Variants in SHTN1 observed in about 807,000 individuals in gnomAD.
The protein encoded by SHTN1 is shootin-1.
In SHTN1, 42 loss-of-function variants were observed where a neutral mutation model predicts 83.1. The observed-to-expected ratio is 0.51, with a 90% confidence interval of 0.39 to 0.65. The LOEUF (loss-of-function observed/expected upper bound fraction) is 0.65, where lower values mean the gene tolerates loss of function less well. Among genes scored for constraint, SHTN1 ranks in the 30% least tolerant of loss-of-function variants. The pLI is 0.00. For synonymous variants in SHTN1, 224 were observed against 247.7 expected (o/e 0.90, Z 0.90); for missense variants, 622 against 737.8 (o/e 0.84, Z 1.82).
At chr10:116,992,563 GC>G (rs1187482464) in intron 1 of SHTN1, among the ~76,000 whole-genome samples, 1 of 152,044 alleles carries the variant, frequency 6.6e-6, no homozygotes, top group East Asian at 1.9e-4. Context: ...AGGCAAATAA[GC>G]CCCCCAAACT....
chr10:117,081,937 T>C (rs1008594864), intron 1 of SHTN1, among the ~76,000 whole-genome samples: 3 of 150,268 alleles, frequency 2.0e-5, no homozygotes, highest in Admixed American at 1.3e-4. Context: ...TTTTTCTTTA[T>C]TAGTCTTGCT....
intron 1 of SHTN1, among the ~76,000 whole-genome samples, chr10:117,094,953 C>T (rs1263361388): frequency 6.6e-6 from 1 of 152,204 alleles, no homozygotes; most frequent in Admixed American, 6.5e-5. Flanking sequence ...ATTAATGACG[C>T]TGACATCGGA....
intron 11 of SHTN1, among the ~76,000 whole-genome samples, chr10:116,925,035 C>T (rs1255369846): frequency 2.0e-5 from 3 of 152,104 alleles, no homozygotes; most frequent in Admixed American, 6.5e-5. Flanking sequence ...GGATTACAGG[C>T]GTGAGCCACT....
At chr10:117,053,982 A>C (rs1158472839) in intron 1 of SHTN1, among the ~76,000 whole-genome samples, 1 of 152,386 alleles carries the variant, frequency 6.6e-6, no homozygotes, top group African/African-American at 2.4e-5. Context: ...AAGTGAAAGA[A>C]GCTAAACCCA....
At chr10:116,927,294 T>C (rs906094803) in intron 11 of SHTN1, among the ~76,000 whole-genome samples, 1 of 152,216 alleles carries the variant, frequency 6.6e-6, no homozygotes, top group African/African-American at 2.4e-5. Context: ...ATTTGTATAC[T>C]ACAAGAAGGG....
chr10:116,921,368 C>T lies in SHTN1; in HGVS notation c.1195+66G>A, dbSNP rs1564877376. The T allele has an allele frequency of 3.5e-6, 4 of 1,149,774 alleles. No individual in the cohort carries two copies. In the East Asian group the frequency reaches 9.4e-5, roughly 27 times the overall value. The allele number at this position is 1,149,774 out of a possible 1,614,324, so 71.2% of individuals were successfully genotyped here. Reference sequence around the variant, plus strand: ...ACATGTTTATAGTCAAAGAACTTAACAAATATGTGAATTGCCCCAAAATGG... The same window carrying T: ...ACATGTTTATAGTCAAAGAACTTAATAAATATGTGAATTGCCCCAAAATGG... On this transcript the variant is annotated intron_variant, in intron 12 of 16. Coordinates refer to ENST00000355371, the MANE Select transcript of SHTN1 (RefSeq NM_001127211.3).
rs1847019668 is a variant in SHTN1 at position 116,881,650 on chromosome 10, C to T, written c.*4694G>A. On this transcript the variant is annotated 3_prime_UTR_variant, in exon 17 of 17. Transcript: ENST00000355371. ...CAAGGTGTAGAGGAATCAGCCGAAA[C>T]AGGAGCATCCTCTGGATAGGGCTGT... 6.5e-7 allele frequency: 1 copy of T among 1,546,686 alleles called. No individual in the cohort carries two copies.
Position 116,960,154 on chromosome 10 carries a change from A to G in SHTN1, c.249T>C (p.Ala83=), listed in dbSNP as rs762999896. The part of the protein sequence containing the change: ...LEIEKTCRES[A]EALATKLNKE... ...GTCTCACCTTTGTTGCCAAAGCTTC[A>G]GCACTTTCTCGACAAGTCTTCTCTA... Residue 83 remains alanine (A), a synonymous_variant, in exon 4 of 17, where the codon GCT becomes GCC. Transcript: ENST00000355371. 5 of 1,606,768 alleles carry G rather than the reference A, an allele frequency of 3.1e-6. No homozygotes were observed. The South Asian group carries it at 4.4e-5, about 14-fold the overall frequency.
intron 8 of SHTN1, among the ~76,000 whole-genome samples, chr10:116,941,051 CA>C (rs1849352984): frequency 6.6e-6 from 1 of 152,240 alleles, no homozygotes; most frequent in African/African-American, 2.4e-5. Context: ...AATCATTTTA[CA>C]TTCATTATAT....
chr10:117,099,009 TACACACAC>T lies in SHTN1; in HGVS notation c.-189+27290_-189+27297del, dbSNP rs371738555. On this transcript the variant is annotated intron_variant, in intron 1 of 17. Transcript: ENST00000392901. Reference sequence around the variant, plus strand: ...TTCCACAAAGAAAATGTGGTATGTATACACACACACACACACACACACACACACACACA... The same window carrying T: ...TTCCACAAAGAAAATGTGGTATGTATACACACACACACACACACACACACA... 7.1e-3 allele frequency among the ~76,000 whole-genome samples: 997 copies of T among 141,124 alleles called. 8 individuals carry two copies. The highest frequency in any genetic ancestry group is 0.023 in the African/African-American group (888 of 38,432). 92.6% of individuals were successfully genotyped at this position (141,124 alleles called of 152,430 possible). A position where few individuals can be genotyped will look rare whatever the true frequency, so the allele number is the denominator to read the frequency against.
chr10:117,092,745 C>T (rs900958609), intron 1 of SHTN1, among the ~76,000 whole-genome samples: 4 of 152,100 alleles, frequency 2.6e-5, no homozygotes, highest in African/African-American at 4.8e-5. Flanking sequence ...TCAGGGTGAG[C>T]TTTCACATTG....
At position 116,886,558 on chromosome 10, in the gene SHTN1, C is replaced by T. The variant is rs1428041470; in HGVS notation, c.1682G>A (p.Ser561Asn). The change falls in exon 17 of 17, where the codon AGT becomes AAT. Residue 561 changes from serine to asparagine, a missense_variant. Transcript: ENST00000355371. ...TSSKVTFQPP[S>N]SIGCRKKYID... ...GTATTTTTTCCTGCATCCAATGCTA[C>T]TGGGAGGCCTATGAGATGAAGAGTT... The T allele has an allele frequency of 1.2e-6, 2 of 1,614,068 alleles. No individual in the cohort carries two copies. Among genetic ancestry groups the T allele is most frequent in the Non-Finnish European group, 1.7e-6 (2 of 1,180,028 alleles).
intron 1 of SHTN1, among the ~76,000 whole-genome samples, chr10:117,061,864 T>C (rs950461964): frequency 6.6e-6 from 1 of 152,174 alleles, no homozygotes; most frequent in Non-Finnish European, 1.5e-5. Flanking sequence ...ACAAAACACA[T>C]TCCATGCTAT....
chr10:116,900,285 G>C, intron 16 of SHTN1: 1 of 494,078 alleles, frequency 2.0e-6, no homozygotes, highest in South Asian at 3.5e-5. Flanking sequence ...AATTAAACTG[G>C]AATGTGTCTC....
At chr10:116,966,161 C>T (rs1850386674) in intron 3 of SHTN1, among the ~76,000 whole-genome samples, 1 of 152,182 alleles carries the variant, frequency 6.6e-6, no homozygotes, top group South Asian at 2.1e-4. Flanking sequence ...GTGCCCGCCA[C>T]CACGCCTGGC....
intron 2 of SHTN1, among the ~76,000 whole-genome samples, chr10:117,028,216 C>T (rs1039431107): frequency 6.6e-6 from 1 of 152,126 alleles, no homozygotes; most frequent in Non-Finnish European, 1.5e-5. Context: ...AATTTCTAAG[C>T]AGAAAACTAT....
intron 11 of SHTN1, among the ~76,000 whole-genome samples, chr10:116,923,707 C>A (rs1055678339): frequency 5.9e-5 from 9 of 152,216 alleles, no homozygotes; most frequent in Admixed American, 5.9e-4. Flanking sequence ...AGGTACACCA[C>A]CACTCCTGGT....
chr10:116,972,049 T>C (rs1850637157), intron 2 of SHTN1, among the ~76,000 whole-genome samples: 1 of 152,218 alleles, frequency 6.6e-6, no homozygotes, highest in African/African-American at 2.4e-5. Flanking sequence ...CTTGTACTAG[T>C]TGCCCAGAAG....
At chr10:117,031,321 C>T (rs1191532017) in intron 2 of SHTN1, among the ~76,000 whole-genome samples, 1 of 152,114 alleles carries the variant, frequency 6.6e-6, no homozygotes, top group Non-Finnish European at 1.5e-5. Context: ...GGGATTTTGT[C>T]AACACCAGAC....
Sources: allele counts gnomAD v4.1 joint callset (sites outside exome capture counted in the v4.1 genomes callset), GRCh38; gene constraint gnomAD v4.1.1; transcripts MANE v1.5; gene names NCBI Gene and HGNC (gene_info 2026-07-23, HGNC 2026-07-21).